Variants in TIAM2 observed in about 807,000 individuals in gnomAD.
TIAM2 encodes the protein rho guanine nucleotide exchange factor TIAM2.
A neutral mutation model predicts 152.9 loss-of-function variants in TIAM2; 80 were observed. The observed-to-expected ratio is 0.52, with a 90% CI of 0.44 to 0.63. The LOEUF (loss-of-function observed/expected upper bound fraction) is 0.63, where lower values mean the gene tolerates loss of function less well. Among genes scored for constraint, TIAM2 ranks in the 30% least tolerant of loss-of-function variants. The probability of loss-of-function intolerance (pLI) is 0.00; values close to 1 mark genes in which losing one functional copy is unlikely to be tolerated. For synonymous variants in TIAM2, 804 were observed against 838.0 expected, an observed-to-expected ratio of 0.96 and a Z score of 0.70; for missense variants, 1,965 against 2,120.1, an observed-to-expected ratio of 0.93 and a Z score of 1.44.
intron 1 of TIAM2, among the ~76,000 whole-genome samples, chr6:155,083,173 C>A (rs1778106070): frequency 6.6e-6 from 1 of 151,652 alleles, no homozygotes; most frequent in Admixed American, 6.6e-5. Context: ...CATGGCGAAA[C>A]CCCTGTCTCT....
intron 1 of TIAM2, among the ~76,000 whole-genome samples, chr6:155,040,186 A>G (rs1031252394): frequency 7.9e-5 from 12 of 152,102 alleles, no homozygotes; most frequent in Admixed American, 7.9e-4. Flanking sequence ...TTCTTTGGCA[A>G]TTACTTTCTC....
Position 155,254,138 on chromosome 6 carries a change from C to A in TIAM2, c.4313+78C>A. The A allele has an allele frequency of 5.5e-6, 8 of 1,456,844 alleles. No individual in the cohort carries two copies. In the South Asian group the frequency reaches 1.0e-4, roughly 18 times the overall value. 90.2% of individuals were successfully genotyped at this position (1,456,844 alleles called of 1,614,324 possible). On this transcript the variant is annotated intron_variant, in intron 25 of 26. Transcript: ENST00000682666. The stretch of plus-strand genomic sequence containing the variant: ...CTCTTAAGGGAATTTATATTTAGTG[C>A]CCTCCTGAATTTTGATGATATCAGG...
At chr6:155,124,860 CTT>C (rs752886695) in intron 2 of TIAM2, among the ~76,000 whole-genome samples, 87 of 141,358 alleles carry the variant, frequency 6.2e-4, no homozygotes, top group African/African-American at 1.6e-3. Flanking sequence ...ATCTATTTGA[CTT>C]TTTTTTTTTT....
intron 14 of TIAM2, among the ~76,000 whole-genome samples, chr6:155,208,329 A>C (rs1224957088): frequency 6.6e-6 from 1 of 151,996 alleles, no homozygotes; most frequent in African/African-American, 2.4e-5. Flanking sequence ...TAAATTCTCT[A>C]TGAAAAGAAA....
chr6:155,044,298 C>T (rs574040782), intron 1 of TIAM2, among the ~76,000 whole-genome samples: 15 of 152,244 alleles, frequency 9.9e-5, no homozygotes, highest in Non-Finnish European at 1.8e-4. Context: ...TCTCTTGCCA[C>T]GGGATCACGC....
intron 2 of TIAM2, among the ~76,000 whole-genome samples, chr6:155,108,325 G>A (rs1198040901): frequency 2.6e-5 from 4 of 152,118 alleles, no homozygotes; most frequent in Admixed American, 6.6e-5. Flanking sequence ...TTCATAGAAA[G>A]ATTGGTCATA....
intron 2 of TIAM2, among the ~76,000 whole-genome samples, chr6:155,114,318 G>C (rs1424975975): frequency 6.6e-6 from 1 of 151,696 alleles, no homozygotes; most frequent in Non-Finnish European, 1.5e-5. Flanking sequence ...GCCTCCCAAA[G>C]TGTTGGGATT....
intron 1 of TIAM2, among the ~76,000 whole-genome samples, chr6:155,027,266 T>C (rs1776624314): frequency 1.3e-5 from 2 of 150,968 alleles, no homozygotes; most frequent in Admixed American, 1.3e-4. Flanking sequence ...CCTCAGGTGA[T>C]CCACTTGCCT....
At chr6:155,133,375 C>A (rs993858606) in intron 4 of TIAM2, among the ~76,000 whole-genome samples, 12 of 152,018 alleles carry the variant, frequency 7.9e-5, no homozygotes, top group South Asian at 2.1e-4. Context: ...AAAACAGCAA[C>A]AACAACAAAA....
At chr6:155,073,121 T>C (rs1332523793) in intron 1 of TIAM2, among the ~76,000 whole-genome samples, 1 of 151,700 alleles carries the variant, frequency 6.6e-6, no homozygotes, top group East Asian at 1.9e-4. Context: ...CATTATTTGC[T>C]GTGCCTGGTG....
At position 155,079,697 on chromosome 6, in the gene TIAM2, A is replaced by G. The variant is rs150745640; in HGVS notation, c.-208-10592A>G. ...CACAGTGGCTCACGCCTGTAATCCC[A>G]GCACTTTGGGAGGCCTAGGCGGGTG... On this transcript the variant is annotated intron_variant, in intron 1 of 26. Coordinates refer to ENST00000682666, the MANE Select transcript of TIAM2 (RefSeq NM_012454.4). Among the ~76,000 whole-genome samples the G allele has an allele frequency of 8.2e-3, 1,252 of 152,374 alleles. 7 individuals are homozygous for G. Among genetic ancestry groups the G allele is most frequent in the Non-Finnish European group, 0.014 (926 of 68,038 alleles).
intron 7 of TIAM2, among the ~76,000 whole-genome samples, chr6:155,148,778 T>C (rs1243167561): frequency 6.6e-6 from 1 of 152,218 alleles, no homozygotes; most frequent in Non-Finnish European, 1.5e-5. Context: ...ACAGTAATTT[T>C]TCTGGTTATA....
In TIAM2 at chr6:155,216,989, G is replaced by A. The variant is rs1583255510; in HGVS notation, c.3168+5682G>A. ...TCATTGCCTGGGGATGAGAGGGAGA[G>A]ACAACGTGTGTCTTACACATCTCCC... is the stretch of plus-strand genomic sequence containing the variant. On this transcript the variant is annotated intron_variant, in intron 15 of 26. Transcript: ENST00000682666. 3.7e-5 allele frequency: 46 copies of A among 1,257,550 alleles called. No homozygotes were observed. The South Asian group carries it at 6.0e-4, about 16-fold the overall frequency. 77.9% of individuals were successfully genotyped at this position (1,257,550 alleles called of 1,614,324 possible). A position where few individuals can be genotyped will look rare whatever the true frequency, so the allele number is the denominator to read the frequency against.
intron 1 of TIAM2, among the ~76,000 whole-genome samples, chr6:155,078,019 G>A (rs1777993702): frequency 1.3e-5 from 2 of 152,094 alleles, no homozygotes; most frequent in African/African-American, 4.8e-5. Flanking sequence ...AGTGCTGTGG[G>A]AGGGGCTCTC....
rs1012661473 is a variant in TIAM2 at position 155,248,309 on chromosome 6, C to T, written c.3832+130C>T. The T allele has an allele frequency of 3.7e-5, 39 of 1,064,794 alleles. No homozygotes were observed. In the Admixed American group the frequency reaches 9.0e-4, roughly 24 times the overall value. 66.0% of individuals were successfully genotyped at this position (1,064,794 alleles called of 1,614,324 possible). On this transcript the variant is annotated intron_variant, in intron 20 of 26. Transcript: ENST00000682666. ...CGTCCTAAGTCACTTTTCAGTTCTG[C>T]GATGGTTAATCTTAGGTTTCACGTG...
At chr6:155,001,785 A>G (rs1176109607) in intron 1 of TIAM2, among the ~76,000 whole-genome samples, 1 of 152,246 alleles carries the variant, frequency 6.6e-6, no homozygotes, top group Non-Finnish European at 1.5e-5. Context: ...ATAGTTCTTC[A>G]TGAGTTCCCA....
intron 9 of TIAM2, among the ~76,000 whole-genome samples, chr6:155,172,662 ATATATATATATATATATATATATATTTT>A (rs1180203883): frequency 5.6e-4 from 5 of 8,940 alleles, no homozygotes; most frequent in East Asian, 6.6e-3. Flanking sequence ...ATATATATAT[ATATATATATATATATATATATATATTTT>A]TTTTTTTTTT....
At chr6:155,178,767 G>A (rs73575685) in intron 10 of TIAM2, among the ~76,000 whole-genome samples, 16,017 of 152,094 alleles carry the variant, frequency 0.11, 906 homozygotes, top group Middle Eastern at 0.16. Context: ...TATAGTCGAT[G>A]TTTTGCTGTA....
At chr6:155,087,411 A>C (rs753255762) in intron 1 of TIAM2, among the ~76,000 whole-genome samples, 2 of 152,216 alleles carry the variant, frequency 1.3e-5, no homozygotes, top group African/African-American at 2.4e-5. Flanking sequence ...ATTTAGACAG[A>C]GCCTAGTGAA....
Sources: allele counts gnomAD v4.1 joint callset (sites outside exome capture counted in the v4.1 genomes callset), GRCh38; gene constraint gnomAD v4.1.1; transcripts MANE v1.5; gene names NCBI Gene and HGNC (gene_info 2026-07-23, HGNC 2026-07-21).